Variants in TNS3 observed in about 807,000 individuals in gnomAD.
TNS3 encodes tensin-3.
In TNS3, 45 loss-of-function variants were observed where a neutral mutation model predicts 140.9. That is an observed-to-expected ratio of 0.32 (90% CI 0.25 to 0.41). The LOEUF (loss-of-function observed/expected upper bound fraction) is 0.41. TNS3 is among the 10% of genes least tolerant of loss of function. The pLI, the probability that TNS3 is intolerant of heterozygous loss-of-function variation, is 1.00. For missense variants in TNS3, 1,716 were observed against 1,906.7 expected (o/e 0.90, Z 1.86); for synonymous variants, 815 against 788.4 (o/e 1.03, Z -0.56).
At chr7:47,470,377 A>G (rs1037428932) in intron 4 of TNS3, 3 of 869,852 alleles carry the variant, frequency 3.4e-6, no homozygotes, top group South Asian at 1.0e-4. Context: ...AAATCTTAAA[A>G]TAAATAAGTA....
At chr7:47,500,082 A>AAC (rs746427298) in intron 3 of TNS3, among the ~76,000 whole-genome samples, 23 of 151,912 alleles carry the variant, frequency 1.5e-4, no homozygotes, top group Non-Finnish European at 2.8e-4. Context: ...CAAACATTAA[A>AAC]ACACACACAC....
chr7:47,386,490 T>C (rs1453961272), intron 16 of TNS3, among the ~76,000 whole-genome samples: 1 of 152,252 alleles, frequency 6.6e-6, no homozygotes, highest in South Asian at 2.1e-4. Flanking sequence ...CTTGGCTCCC[T>C]CTCTGTGACA....
chr7:47,322,141 T>C (rs975948134), intron 20 of TNS3, among the ~76,000 whole-genome samples: 1 of 138,194 alleles, frequency 7.2e-6, no homozygotes, highest in Non-Finnish European at 1.5e-5. Context: ...AGCCTTGACC[T>C]ATAGAAGGAA....
intron 16 of TNS3, among the ~76,000 whole-genome samples, chr7:47,390,061 G>A (rs910944122): frequency 1.3e-5 from 2 of 152,166 alleles, no homozygotes; most frequent in Admixed American, 6.5e-5. Flanking sequence ...CATGCAAAGA[G>A]CCCTGGAGCA....
At chr7:47,313,567 C>T (rs1424819105) in intron 20 of TNS3, among the ~76,000 whole-genome samples, 1 of 152,204 alleles carries the variant, frequency 6.6e-6, no homozygotes, top group African/African-American at 2.4e-5. Flanking sequence ...GGAGCACATA[C>T]CCAGCACAGC....
rs772467295 is a variant in TNS3, at chr7:47,344,847, G to T, written c.2567-9C>A. ...GCGCAGCGCTGTTTTCACTGGAAAA[G>T]AAAGCAGAGCAAGGGGCTGTTGTCA... is the stretch of plus-strand genomic sequence containing the variant. On this transcript the variant is annotated splice_polypyrimidine_tract_variant and intron_variant, in intron 19 of 30. Transcript: ENST00000311160. 9 of 1,613,952 alleles carry T rather than the reference G, an allele frequency of 5.6e-6. No individual in the cohort carries two copies. The East Asian group carries it at 2.0e-4, about 36-fold the overall frequency.
intron 4 of TNS3, among the ~76,000 whole-genome samples, chr7:47,464,776 A>G (rs982869924): frequency 6.6e-6 from 1 of 152,174 alleles, no homozygotes; most frequent in Non-Finnish European, 1.5e-5. Flanking sequence ...TGCGGGCTTC[A>G]TTACTGCATC....
intron 20 of TNS3, among the ~76,000 whole-genome samples, chr7:47,330,164 G>C (rs1788255296): frequency 6.6e-6 from 1 of 152,052 alleles, no homozygotes; most frequent in African/African-American, 2.4e-5. Flanking sequence ...GACAGGACCT[G>C]GACTGTCCAC....
In TNS3 at chr7:47,364,983, G is replaced by A. The variant is rs1044883908; in HGVS notation, c.2281+3382C>T. Among the ~76,000 whole-genome samples the A allele has an allele frequency of 5.3e-5, 8 of 152,302 alleles. No homozygotes were observed. The East Asian group carries it at 1.2e-3, about 22-fold the overall frequency. On this transcript the variant is annotated intron_variant, in intron 17 of 30. Transcript: ENST00000311160. ...AATGGACCAATGGCCCCAGATGCCT[G>A]TCAAATATGAATAGATTAATAAATA...
chr7:47,510,580 G>A (rs1798571222), intron 2 of TNS3, among the ~76,000 whole-genome samples: 1 of 152,126 alleles, frequency 6.6e-6, no homozygotes, highest in African/African-American at 2.4e-5. Context: ...AATTTTAAAA[G>A]ACTAGTACCC....
intron 4 of TNS3, among the ~76,000 whole-genome samples, chr7:47,445,374 G>C (rs1237204228): frequency 6.6e-6 from 1 of 152,164 alleles, no homozygotes; most frequent in African/African-American, 2.4e-5. Flanking sequence ...ACATAGGGAT[G>C]GTGATGAGGA....
At chr7:47,389,154 A>AAGCAGCAGC (rs1554310554) in intron 16 of TNS3, among the ~76,000 whole-genome samples, 2 of 82,298 alleles carry the variant, frequency 2.4e-5, no homozygotes, top group African/African-American at 8.4e-5. Flanking sequence ...GAAGAAGAAG[A>AAGCAGCAGC]AGCAGAAGAA....
chr7:47,302,249 T>C lies in TNS3; in HGVS notation c.3481A>G (p.Ile1161Val). 1 of 1,614,206 alleles carries C rather than the reference T, an allele frequency of 6.2e-7. No individual in the cohort carries two copies. Among genetic ancestry groups the C allele is most frequent in the South Asian group, 1.1e-5 (1 of 91,078 alleles). The change falls in exon 23 of 31, where the codon ATC becomes GTC. Residue 1161 changes from isoleucine to valine, a missense_variant. Physicochemically the swap from Ile to Val is conservative, Grantham distance 29 (BLOSUM62 3). This residue lies in a region of TNS3 where 1,163 missense variants were observed against 1,182.1 expected (regional missense o/e 0.98). Coordinates refer to ENST00000311160, the MANE Select transcript of TNS3 (RefSeq NM_022748.12). ...GAAGTGTCTTGAACAAATTTCACGA[T>C]CACAAGTTTATCACCTGGACTATCT... ...LPDSPGDKLV[I>V]VKFVQDTSKF...
At position 47,418,175 on chromosome 7, in the gene TNS3, G is replaced by A. The variant is rs376384690; in HGVS notation, c.474-2969C>T. On this transcript the variant is annotated intron_variant, in intron 10 of 30. Transcript: ENST00000311160. ...AAATTAGCTGGGCATGGTGGCATGC[G>A]CCTGTAATCCCAGCTACACAGGAAG... 1.1e-3 allele frequency among the ~76,000 whole-genome samples: 168 copies of A among 152,234 alleles called. 1 individual carries two copies. In the Middle Eastern group the frequency reaches 0.014, roughly 12 times the overall value.
intron 1 of TNS3, among the ~76,000 whole-genome samples, chr7:47,539,813 C>T (rs977589858): frequency 6.6e-6 from 1 of 152,198 alleles, no homozygotes; most frequent in Non-Finnish European, 1.5e-5. Context: ...GAGCAATAAA[C>T]ACTGGTGCAG....
chr7:47,519,409 C>G (rs988225231), intron 2 of TNS3, among the ~76,000 whole-genome samples: 4 of 152,152 alleles, frequency 2.6e-5, no homozygotes, highest in African/African-American at 7.2e-5. Flanking sequence ...TCAGGAAACC[C>G]TCTTAGTAAT....
At chr7:47,297,325 G>T (rs1242507211) in intron 23 of TNS3, 112 bp from the exon 24 acceptor site, 5 of 1,322,562 alleles carry the variant, frequency 3.8e-6, no homozygotes, top group Admixed American at 2.4e-5. Context: ...AACTGGATCA[G>T]TGGGGACCTG....
chr7:47,428,667 A>G lies in TNS3; in HGVS notation c.325-291T>C, dbSNP rs117607216. On this transcript the variant is annotated intron_variant, in intron 8 of 30. Coordinates refer to ENST00000311160, the MANE Select transcript of TNS3 (RefSeq NM_022748.12). ...CAGCAGCTGCCTGTCATTTTACCCA[A>G]TTAGGCTGGAAAAAACTGTGCCAGG... is the stretch of plus-strand genomic sequence containing the variant. Among the ~76,000 whole-genome samples the G allele has an allele frequency of 1.5e-3, 231 of 152,326 alleles. 7 individuals are homozygous for G. The East Asian group carries it at 0.037, about 25-fold the overall frequency.
At chr7:47,293,208 A>G (rs930099227) in intron 25 of TNS3, among the ~76,000 whole-genome samples, 7 of 152,250 alleles carry the variant, frequency 4.6e-5, no homozygotes. Flanking sequence ...GTTGACATCA[A>G]GCCAACTCCA....
Sources: allele counts gnomAD v4.1 joint callset (sites outside exome capture counted in the v4.1 genomes callset), GRCh38; gene constraint gnomAD v4.1.1; regional missense constraint gnomAD v4.1.1; transcripts MANE v1.5; gene names NCBI Gene and HGNC (gene_info 2026-07-23, HGNC 2026-07-21).